Variants in JAZF1 observed in about 807,000 individuals in gnomAD.
JAZF1 encodes the protein JAZF zinc finger 1.
In JAZF1, 8 loss-of-function variants were observed where a neutral mutation model predicts 26.4. The observed-to-expected ratio is 0.30, with a 90% CI of 0.18 to 0.55. The LOEUF (loss-of-function observed/expected upper bound fraction) is 0.55. Among genes scored for constraint, JAZF1 ranks in the 20% least tolerant of loss-of-function variants. The pLI is 0.94. For synonymous variants in JAZF1, 126 were observed against 122.3 expected, an observed-to-expected ratio of 1.03 and a Z score of -0.20; for missense variants, 199 against 322.0, an observed-to-expected ratio of 0.62 and a Z score of 2.92.
chr7:28,122,538 A>T (rs1272158440), intron 1 of JAZF1, among the ~76,000 whole-genome samples: 4 of 152,104 alleles, frequency 2.6e-5, no homozygotes, highest in African/African-American at 9.7e-5. Context: ...ACCAAGCAGG[A>T]TTTAAGGGGT....
intron 1 of JAZF1, among the ~76,000 whole-genome samples, chr7:28,144,423 C>T (rs960111475): frequency 6.6e-6 from 1 of 152,206 alleles, no homozygotes. Context: ...CTGCATTATT[C>T]AGTCATCAAT....
intron 1 of JAZF1, among the ~76,000 whole-genome samples, chr7:28,051,249 T>A (rs7778929): frequency 3.3e-5 from 5 of 151,476 alleles, no homozygotes; most frequent in African/African-American, 1.2e-4. Context: ...TTTTTTGAGA[T>A]GGAGTCTTGC....
intron 2 of JAZF1, among the ~76,000 whole-genome samples, chr7:27,930,626 G>A (rs1562532366): frequency 1.3e-5 from 2 of 152,068 alleles, no homozygotes; most frequent in East Asian, 1.9e-4. Context: ...TTTTTAAAAA[G>A]GAAAGACTAA....
intron 2 of JAZF1, among the ~76,000 whole-genome samples, chr7:27,939,962 C>T (rs992516240): frequency 2.0e-5 from 3 of 152,180 alleles, no homozygotes; most frequent in East Asian, 3.9e-4. Flanking sequence ...AACCATTCCA[C>T]GGCTGCCGTG....
At chr7:27,864,510 T>C (rs1458309585) in intron 3 of JAZF1, among the ~76,000 whole-genome samples, 1 of 152,138 alleles carries the variant, frequency 6.6e-6, no homozygotes, top group Non-Finnish European at 1.5e-5. Context: ...TTTGCCCGGC[T>C]CAGAGCCTAC....
At chr7:27,976,532 C>T (rs527711213) in intron 2 of JAZF1, among the ~76,000 whole-genome samples, 1 of 152,056 alleles carries the variant, frequency 6.6e-6, no homozygotes, top group Admixed American at 6.5e-5. Context: ...GACCTAAGAG[C>T]ATGCAACATG....
chr7:28,155,371 C>T (rs995378098), intron 1 of JAZF1, among the ~76,000 whole-genome samples: 1 of 152,214 alleles, frequency 6.6e-6, no homozygotes, highest in Non-Finnish European at 1.5e-5. Flanking sequence ...ATAATTCACT[C>T]TCAGTTTAAC....
intron 1 of JAZF1, among the ~76,000 whole-genome samples, chr7:28,144,819 G>A (rs2127946509): frequency 6.6e-6 from 1 of 152,266 alleles, no homozygotes; most frequent in South Asian, 2.1e-4. Flanking sequence ...TCCGATTTCA[G>A]CCTTTTTAAA....
intron 1 of JAZF1, among the ~76,000 whole-genome samples, chr7:28,169,380 C>T (rs1056715478): frequency 2.0e-5 from 3 of 152,168 alleles, no homozygotes; most frequent in Admixed American, 6.5e-5. Flanking sequence ...TGAGTTGATG[C>T]CAAACTCCAG....
At chr7:27,913,780 C>G (rs1562527585) in intron 2 of JAZF1, among the ~76,000 whole-genome samples, 1 of 152,308 alleles carries the variant, frequency 6.6e-6, no homozygotes, top group East Asian at 1.9e-4. Context: ...TAATTTCTCT[C>G]TTTCACTCTT....
chr7:28,118,612 T>G (rs921287156), intron 1 of JAZF1, among the ~76,000 whole-genome samples: 2 of 152,376 alleles, frequency 1.3e-5, no homozygotes, highest in Admixed American at 6.5e-5. Context: ...AGCTACAGTA[T>G]TCTATGGCAA....
At chr7:27,950,766 C>G (rs1784996758) in intron 2 of JAZF1, among the ~76,000 whole-genome samples, 1 of 152,112 alleles carries the variant, frequency 6.6e-6, no homozygotes, top group Admixed American at 6.5e-5. Context: ...CTGCATTGTA[C>G]TACATAAGAC....
intron 1 of JAZF1, among the ~76,000 whole-genome samples, chr7:28,122,312 G>T (rs866639970): frequency 6.6e-6 from 1 of 152,050 alleles, no homozygotes; most frequent in Non-Finnish European, 1.5e-5. Context: ...CAAATAGGAC[G>T]GGCAACTTCC....
chr7:27,976,329 A>G (rs370741171), intron 2 of JAZF1, among the ~76,000 whole-genome samples: 1 of 142,820 alleles, frequency 7.0e-6, no homozygotes, highest in Non-Finnish European at 1.5e-5. Flanking sequence ...TGGGCAACAG[A>G]GCCAGACTCC....
At chr7:27,922,119 T>C (rs1044771946) in intron 2 of JAZF1, among the ~76,000 whole-genome samples, 1 of 152,140 alleles carries the variant, frequency 6.6e-6, no homozygotes, top group Non-Finnish European at 1.5e-5. Flanking sequence ...TGGATATAAA[T>C]CATTACAGAA....
chr7:28,051,687 T>C (rs978383786), intron 1 of JAZF1, among the ~76,000 whole-genome samples: 1 of 151,948 alleles, frequency 6.6e-6, no homozygotes, highest in African/African-American at 2.4e-5. Flanking sequence ...ACTTCCCCAC[T>C]AAAAAAATGT....
intron 1 of JAZF1, among the ~76,000 whole-genome samples, chr7:28,080,971 T>C (rs1438101761): frequency 6.7e-6 from 1 of 148,538 alleles, no homozygotes; most frequent in Non-Finnish European, 1.5e-5. Flanking sequence ...CTGCCAAGTG[T>C]GGTAAAGCAA....
chr7:27,924,651 G>A (rs1320982426), intron 2 of JAZF1, among the ~76,000 whole-genome samples: 2 of 152,178 alleles, frequency 1.3e-5, no homozygotes, highest in East Asian at 1.9e-4. Flanking sequence ...TTAGACAACT[G>A]AGTCATTCTG....
intron 1 of JAZF1, among the ~76,000 whole-genome samples, chr7:28,063,927 G>A (rs991997819): frequency 6.6e-6 from 1 of 152,088 alleles, no homozygotes; most frequent in African/African-American, 2.4e-5. Context: ...GCCACAGTGT[G>A]AAAGTTACCA....
Sources: allele counts gnomAD v4.1 joint callset (sites outside exome capture counted in the v4.1 genomes callset), GRCh38; gene constraint gnomAD v4.1.1; transcripts MANE v1.5; gene names NCBI Gene and HGNC (gene_info 2026-07-23, HGNC 2026-07-21).